CNGB1: variants seen among roughly 807,000 people sequenced by gnomAD.
CNGB1 encodes the protein cyclic nucleotide gated channel subunit beta 1.
In CNGB1, 126 loss-of-function variants were observed where a neutral mutation model predicts 151.7. That is an observed-to-expected ratio of 0.83 (90% CI 0.72 to 0.96). The LOEUF (loss-of-function observed/expected upper bound fraction) is 0.96. Ranked by LOEUF, CNGB1 falls within the 40% of genes least tolerant of loss-of-function variation. The probability of loss-of-function intolerance (pLI) is 0.00; values close to 1 mark genes in which losing one functional copy is unlikely to be tolerated. For synonymous variants in CNGB1, 623 were observed against 635.1 expected, an observed-to-expected ratio of 0.98 and a Z score of 0.29; for missense variants, 1,698 against 1,627.0, an observed-to-expected ratio of 1.04 and a Z score of -0.75.
chr16:57,884,345 G>T lies in CNGB1; in HGVS notation c.3575C>A (p.Pro1192His). The change falls in exon 33 of 33, where the codon CCC becomes CAC. Residue 1192 changes from proline to histidine, a missense_variant. Transcript: ENST00000251102. ...TGGAGAGCTCGGTGGAGACCCCGGG[G>T]GCTCGGGGGGCGTCCGGGGCGCGGG... is the stretch of plus-strand genomic sequence containing the variant. ...DPPAPRTPPE[P>H]PGSPPSSPPP... The T allele has an allele frequency of 6.5e-7, 1 of 1,546,198 alleles. No individual in the cohort carries two copies. The highest frequency in any genetic ancestry group is 8.7e-7 in the Non-Finnish European group (1 of 1,148,928).
Position 57,920,547 on chromosome 16 carries a change from G to T in CNGB1, c.1644-3C>A. On this transcript the variant is annotated splice_region_variant and splice_polypyrimidine_tract_variant and intron_variant, in intron 18 of 32. Coordinates refer to ENST00000251102, the MANE Select transcript of CNGB1 (RefSeq NM_001297.5). ...TGGAGGCCGCACGGTCCTGGCCACT[G>T]TGGGAACATCACCCAAAGCTGAGCA... is the stretch of plus-strand genomic sequence containing the variant. 1 of 1,611,966 alleles carries T rather than the reference G, an allele frequency of 6.2e-7. No individual in the cohort carries two copies.
chr16:57,893,000 G>T (rs1408294832), intron 31 of CNGB1, among the ~76,000 whole-genome samples: 1 of 152,102 alleles, frequency 6.6e-6, no homozygotes, highest in Non-Finnish European at 1.5e-5. Context: ...TGTGAGTTTT[G>T]TTTGGTCCCT....
intron 25 of CNGB1, 57 bp from the exon 26 acceptor site, chr16:57,904,932 G>A (rs1038446500): frequency 2.3e-5 from 37 of 1,607,990 alleles, no homozygotes; most frequent in East Asian, 6.7e-5. Context: ...CTGCCGCCCC[G>A]AGCAGTCTGG....
intron 18 of CNGB1, 134 bp downstream of exon 18, chr16:57,923,139 C>T (rs1041092837): frequency 1.4e-5 from 9 of 630,562 alleles, no homozygotes; most frequent in East Asian, 3.0e-5. Context: ...CGACCGATCC[C>T]GACTTACTGC....
In CNGB1 at chr16:57,931,833, T is replaced by A. The variant is rs769808679; in HGVS notation, c.1418A>T (p.Asp473Val). The A allele has an allele frequency of 1.4e-5, 22 of 1,614,028 alleles. No homozygotes were observed. Among genetic ancestry groups the A allele is most frequent in the African/African-American group, 2.7e-5 (2 of 74,908 alleles). ...TGCCATGAGGGGGCAGCTATCAGCATCAGTATCTTCCACCTGCACTTCTGG... is the reference window on the plus strand; with the variant it reads ...TGCCATGAGGGGGCAGCTATCAGCAACAGTATCTTCCACCTGCACTTCTGG... ...QHPEVQVEDT[D>V]ADSCPLMAEE... Residue 473 changes from aspartate to valine, a missense_variant, in exon 17 of 33, where the codon GAT becomes GTT. Physicochemically the swap from Asp to Val is radical, Grantham distance 152. Coordinates refer to ENST00000251102, the MANE Select transcript of CNGB1 (RefSeq NM_001297.5).
chr16:57,885,578 CTT>C (rs757550175), intron 32 of CNGB1, among the ~76,000 whole-genome samples: 13,208 of 60,800 alleles, frequency 0.22, 1,292 homozygotes, highest in African/African-American at 0.34. Flanking sequence ...CTCTCTCTCT[CTT>C]TCTTTCTTTC....
intron 12 of CNGB1, chr16:57,955,263 A>G: frequency 6.5e-7 from 1 of 1,549,154 alleles, no homozygotes; most frequent in African/African-American, 1.4e-5. Flanking sequence ...TCCCCCGGGA[A>G]GGTCTTCTCT....
chr16:57,960,664 A>G lies in CNGB1; in HGVS notation c.535-134T>C, dbSNP rs1962226708. 28 of 1,317,738 alleles carry G rather than the reference A, an allele frequency of 2.1e-5. No homozygotes were observed. In the South Asian group the frequency reaches 3.4e-4, roughly 16 times the overall value. The allele number at this position is 1,317,738 out of a possible 1,614,324, so 81.6% of individuals were successfully genotyped here. A position where few individuals can be genotyped will look rare whatever the true frequency, so the allele number is the denominator to read the frequency against. On this transcript the variant is annotated intron_variant, in intron 8 of 32. Transcript: ENST00000251102. ...GGGTGGGGGGTGTCTCTCCTTCTGA[A>G]TCCCGGCCCCCTCTCACAGTCACTC...
chr16:57,889,579 G>A (rs188608701), intron 31 of CNGB1, among the ~76,000 whole-genome samples: 31 of 152,346 alleles, frequency 2.0e-4, no homozygotes, highest in Admixed American at 2.0e-3. Flanking sequence ...CACAGAAACT[G>A]AGATCGCAAA....
chr16:57,970,275 C>T (rs11649190), intron 1 of CNGB1, among the ~76,000 whole-genome samples: 22,190 of 152,202 alleles, frequency 0.15, 2,339 homozygotes, highest in East Asian at 0.4. Flanking sequence ...GCAGATTTCA[C>T]TGACCCCAGC....
rs761513108 is a variant in CNGB1 at position 57,919,169 on chromosome 16, C to A, written c.1887G>T (p.Met629Ile). The change falls in exon 20 of 33, where the codon ATG (methionine) becomes ATT (isoleucine). Residue 629 changes from methionine to isoleucine, a missense_variant. By Grantham distance (10) the Met-to-Ile change is conservative. Transcript: ENST00000251102. ...GGCGGTGTTTGAACTTGCAGCAGAGCATGTCGCAATAGTGCTCCTCTTCCA... is the reference window on the plus strand; with the variant it reads ...GGCGGTGTTTGAACTTGCAGCAGAGAATGTCGCAATAGTGCTCCTCTTCCA... ...EPVEEEHYCD[M>I]LCCKFKHRPW... 15 of 1,614,220 alleles carry A rather than the reference C, an allele frequency of 9.3e-6. No homozygotes were observed. The South Asian group carries it at 1.3e-4, about 14-fold the overall frequency.
chr16:57,901,524 G>A lies in CNGB1; in HGVS notation c.2892+4C>T, dbSNP rs1252960256. On this transcript the variant is annotated splice_donor_region_variant and intron_variant, in intron 28 of 32. Transcript: ENST00000251102. Reference sequence around the variant, plus strand: ...CCTGAGCGTGAGGGCACCAAAAGGTGTACCTGAAAGAGTGCGACTTTGCTA... The same window carrying A: ...CCTGAGCGTGAGGGCACCAAAAGGTATACCTGAAAGAGTGCGACTTTGCTA... 4.3e-6 allele frequency: 7 copies of A among 1,613,986 alleles called. No individual in the cohort carries two copies. In the South Asian group the frequency reaches 4.4e-5, roughly 10 times the overall value.
At chr16:57,955,422 G>A in intron 12 of CNGB1, 1 of 1,230,348 alleles carries the variant, frequency 8.1e-7, no homozygotes, top group Non-Finnish European at 1.2e-6. Flanking sequence ...CGGAGGGAAT[G>A]AGTGAGTGAG....
At chr16:57,919,483 C>T (rs1419935639) in intron 19 of CNGB1, among the ~76,000 whole-genome samples, 2 of 152,190 alleles carry the variant, frequency 1.3e-5, no homozygotes, top group African/African-American at 4.8e-5. Flanking sequence ...GAAGTTCTTA[C>T]CAATTACAGT....
intron 31 of CNGB1, among the ~76,000 whole-genome samples, chr16:57,896,235 A>G (rs150553542): frequency 6.6e-6 from 1 of 152,322 alleles, no homozygotes; most frequent in Non-Finnish European, 1.5e-5. Context: ...TACAATACAG[A>G]AACCTTAACC....
chr16:57,918,872 G>A (rs971554450), intron 20 of CNGB1, among the ~76,000 whole-genome samples: 3 of 152,148 alleles, frequency 2.0e-5, no homozygotes, highest in Non-Finnish European at 2.9e-5. Context: ...GCTAATTTTT[G>A]TATCTTTAAT....
intron 31 of CNGB1, among the ~76,000 whole-genome samples, chr16:57,895,896 T>C (rs1485823137): frequency 1.3e-5 from 2 of 152,276 alleles, no homozygotes; most frequent in African/African-American, 4.8e-5. Context: ...TGGACTAATT[T>C]GAGCATCAAA....
intron 31 of CNGB1, among the ~76,000 whole-genome samples, chr16:57,890,146 C>T (rs997056261): frequency 6.6e-6 from 1 of 152,212 alleles, no homozygotes. Context: ...ACCAGCGGGC[C>T]TAGACAATGA....
intron 22 of CNGB1, 107 bp downstream of exon 22, chr16:57,916,022 C>G (rs533772475): frequency 6.7e-4 from 706 of 1,055,732 alleles, no homozygotes; most frequent in South Asian, 1.2e-3. Flanking sequence ...AGCATCCCTC[C>G]GTGTGGCAGA....
Sources: allele counts gnomAD v4.1 joint callset (sites outside exome capture counted in the v4.1 genomes callset), GRCh38; gene constraint gnomAD v4.1.1; transcripts MANE v1.5; gene names NCBI Gene and HGNC (gene_info 2026-07-23, HGNC 2026-07-21).